PTPN14: variants seen among roughly 807,000 people sequenced by gnomAD.
PTPN14 encodes tyrosine-protein phosphatase non-receptor type 14.
A neutral mutation model predicts 126.8 loss-of-function variants in PTPN14; 53 were observed. The ratio of observed to expected loss-of-function variants is 0.42; its 90% CI spans 0.34 to 0.53. The LOEUF is 0.53. Ranked by LOEUF, PTPN14 falls within the 20% of genes least tolerant of loss-of-function variation. PTPN14 has a pLI of 0.08. For missense variants in PTPN14, 1,257 were observed against 1,552.9 expected (o/e 0.81, Z 3.20); for synonymous variants, 630 against 599.3 (o/e 1.05, Z -0.75).
intron 3 of PTPN14, among the ~76,000 whole-genome samples, chr1:214,417,979 G>A (rs944312881): frequency 1.3e-5 from 2 of 152,206 alleles, no homozygotes; most frequent in African/African-American, 4.8e-5. Context: ...GGATGGTGAA[G>A]ACAGGAGGAG....
intron 2 of PTPN14, among the ~76,000 whole-genome samples, chr1:214,457,536 A>G (rs1052783060): frequency 1.3e-5 from 2 of 152,180 alleles, no homozygotes; most frequent in African/African-American, 4.8e-5. Context: ...AAGTAGAGCC[A>G]AGGTTATTCT....
intron 3 of PTPN14, among the ~76,000 whole-genome samples, chr1:214,445,307 G>A (rs954701365): frequency 2.0e-5 from 3 of 152,158 alleles, no homozygotes; most frequent in African/African-American, 7.2e-5. Flanking sequence ...GTACGACAGT[G>A]TACTAAAATC....
intron 1 of PTPN14, among the ~76,000 whole-genome samples, chr1:214,497,446 A>G (rs114859402): frequency 0.01 from 1,546 of 152,346 alleles, 13 homozygotes; most frequent in Non-Finnish European, 0.016. Context: ...AAACATTTTT[A>G]AGCAGAAATT....
At chr1:214,441,937 T>C (rs947292523) in intron 3 of PTPN14, among the ~76,000 whole-genome samples, 2 of 152,204 alleles carry the variant, frequency 1.3e-5, no homozygotes, top group Non-Finnish European at 2.9e-5. Context: ...GTAACACTAA[T>C]AAAGAACAAT....
intron 1 of PTPN14, among the ~76,000 whole-genome samples, chr1:214,535,157 ATTT>A (rs535799777): frequency 5.9e-5 from 9 of 152,296 alleles, no homozygotes; most frequent in African/African-American, 2.2e-4. Context: ...ATTTATAATT[ATTT>A]TTGTCAATGA....
chr1:214,513,325 T>C (rs565633398), intron 1 of PTPN14, among the ~76,000 whole-genome samples: 1 of 152,340 alleles, frequency 6.6e-6, no homozygotes, highest in Non-Finnish European at 1.5e-5. Context: ...AAAACAGATT[T>C]AAGACCCCGC....
At chr1:214,462,331 T>C (rs531385914) in intron 2 of PTPN14, among the ~76,000 whole-genome samples, 2 of 152,298 alleles carry the variant, frequency 1.3e-5, no homozygotes, top group African/African-American at 4.8e-5. Context: ...ACCAATAGTC[T>C]GTTGAAAGCC....
At chr1:214,434,040 G>A (rs920017630) in intron 3 of PTPN14, among the ~76,000 whole-genome samples, 3 of 151,808 alleles carry the variant, frequency 2.0e-5, no homozygotes, top group African/African-American at 7.3e-5. Context: ...GCTGAGGTGG[G>A]AGGTTCACTT....
Position 214,351,290 on chromosome 1 carries a change from T to TA in PTPN14, c.*6631dup, listed in dbSNP as rs557321966. ...AGGAGTGAGACACGATCTCAAAAAC[T>TA]AAAAAAAAAAAAAAAAAGAAAAAGA... On this transcript the variant is annotated 3_prime_UTR_variant, in exon 19 of 19. Transcript: ENST00000366956. 1,444 of 61,692 alleles carry TA rather than the reference T, an allele frequency of 0.023. 19 individuals carry two copies. The highest frequency in any genetic ancestry group is 0.061 in the African/African-American group (1,086 of 17,702). 3.8% of individuals were successfully genotyped at this position (61,692 alleles called of 1,614,324 possible).
At chr1:214,438,509 G>C (rs906609731) in intron 3 of PTPN14, among the ~76,000 whole-genome samples, 6 of 152,192 alleles carry the variant, frequency 3.9e-5, no homozygotes, top group African/African-American at 1.4e-4. Flanking sequence ...CAAATTTGAA[G>C]TTATCTTCAA....
At chr1:214,539,499 T>C (rs2102481179) in intron 1 of PTPN14, among the ~76,000 whole-genome samples, 1 of 152,348 alleles carries the variant, frequency 6.6e-6, no homozygotes, top group East Asian at 1.9e-4. Context: ...TTTGCACTTC[T>C]GGCCTGATGT....
At position 214,403,170 on chromosome 1, in the gene PTPN14, C is replaced by T. The variant is rs6657749; in HGVS notation, c.511-217G>A. On this transcript the variant is annotated intron_variant, in intron 5 of 18. Coordinates refer to ENST00000366956, the MANE Select transcript of PTPN14 (RefSeq NM_005401.5). ...TCCATTATAACAGGTTATTTCCAGG[C>T]ATATTTTGGGTTGCCGCGTAAGTTC... Among the ~76,000 whole-genome samples, 29,218 of 152,106 alleles carry T rather than the reference C, an allele frequency of 0.19. 2,990 individuals are homozygous for T. Among genetic ancestry groups the T allele is most frequent in the Middle Eastern group, 0.27 (78 of 294 alleles).
chr1:214,522,257 T>TC (rs1377253996), intron 1 of PTPN14, among the ~76,000 whole-genome samples: 1 of 152,062 alleles, frequency 6.6e-6, no homozygotes, highest in African/African-American at 2.4e-5. Flanking sequence ...TATCATCTTT[T>TC]CCCCACAACT....
At chr1:214,497,120 T>TG (rs779121628) in intron 1 of PTPN14, among the ~76,000 whole-genome samples, 17 of 149,804 alleles carry the variant, frequency 1.1e-4, no homozygotes, top group Middle Eastern at 3.4e-3. Flanking sequence ...GGGGCAGCGG[T>TG]GGGGGGTCGG....
In PTPN14 at chr1:214,390,936, C is replaced by T. The variant is rs1249433741; in HGVS notation, c.987+52G>A. ...TCATCCCCCCACCTCAAATTAATAACAAAGAATGCTCAACAGTCAGATCAC... is the reference window on the plus strand; with the variant it reads ...TCATCCCCCCACCTCAAATTAATAATAAAGAATGCTCAACAGTCAGATCAC... On this transcript the variant is annotated intron_variant, in intron 11 of 18. Coordinates refer to ENST00000366956, the MANE Select transcript of PTPN14 (RefSeq NM_005401.5). The T allele has an allele frequency of 1.0e-5, 14 of 1,370,052 alleles. No homozygotes were observed. The Middle Eastern group carries it at 5.6e-4, about 55-fold the overall frequency. 84.9% of individuals were successfully genotyped at this position (1,370,052 alleles called of 1,614,324 possible). A position where few individuals can be genotyped will look rare whatever the true frequency, so the allele number is the denominator to read the frequency against.
Position 214,376,396 on chromosome 1 carries a change from G to A in PTPN14, c.2730C>T (p.Phe910=), listed in dbSNP as rs770903550. The A allele has an allele frequency of 3.8e-5, 61 of 1,613,892 alleles. No homozygotes were observed. The highest frequency in any genetic ancestry group is 4.9e-5 in the Non-Finnish European group (58 of 1,179,926). The change falls in exon 15 of 19, where the codon TTC becomes TTT. Residue 910 remains phenylalanine (F), a synonymous_variant. Coordinates refer to ENST00000366956, the MANE Select transcript of PTPN14 (RefSeq NM_005401.5). Reference sequence around the variant, plus strand: ...TCTTTGGAATTTGCTCATATTCTGTGAACACCATTCCCTCTTCTAGTTTCT... The same window carrying A: ...TCTTTGGAATTTGCTCATATTCTGTAAACACCATTCCCTCTTCTAGTTTCT... ...LKKKLEEGMV[F]TEYEQIPKKK... is the part of the protein sequence containing the mutation.
Position 214,364,770 on chromosome 1 carries a change from T to TGTGTGTGTGTGC in PTPN14, c.3272-96_3272-95insGCACACACACAC. ...AGCGGAAGAGAACTGATGGTGAGTG[T>TGTGTGTGTGTGC]GTGTGTGTGTGTGTGTGTGTGTGTG... On this transcript the variant is annotated intron_variant, in intron 17 of 18. Transcript: ENST00000366956. The surrounding 1 kb of genome is among the most constrained non-coding windows in gnomAD (Gnocchi z 4.1). 2.6e-6 allele frequency: 1 copy of TGTGTGTGTGTGC among 387,826 alleles called. No homozygotes were observed. Among genetic ancestry groups the TGTGTGTGTGTGC allele is most frequent in the East Asian group, 4.7e-5 (1 of 21,432 alleles). The allele number at this position is 387,826 out of a possible 1,614,324, so 24.0% of individuals were successfully genotyped here. A position where few individuals can be genotyped will look rare whatever the true frequency, so the allele number is the denominator to read the frequency against.
intron 3 of PTPN14, among the ~76,000 whole-genome samples, chr1:214,433,953 A>ACACACACAC (rs1558100354): frequency 1.7e-4 from 2 of 11,536 alleles, no homozygotes; most frequent in East Asian, 2.8e-3. Flanking sequence ...CACACACACA[A>ACACACACAC]AAAAAAAAAA....
chr1:214,364,592 C>T lies in PTPN14; in HGVS notation c.3355G>A (p.Val1119Ile). 2 of 1,614,080 alleles carry T rather than the reference C, an allele frequency of 1.2e-6. No homozygotes were observed. The highest frequency in any genetic ancestry group is 1.7e-6 in the Non-Finnish European group (2 of 1,180,040). Residue 1119 changes from valine (V) to isoleucine (I), a missense_variant, in exon 18 of 19, where the codon GTC becomes ATC. Transcript: ENST00000366956. This position sits in a 1 kb window ranked among gnomAD's most constrained non-coding sequence, Gnocchi z 4.1. ...CTTCCCACCCCAGCACTACAGTGGA[C>T]CACGATGGGCGGGTGCCGGTTCTTG... ...GTKNRHPPIV[V>I]HCSAGVGRTG... is the part of the protein sequence containing the mutation.
Sources: gnomAD v4.1 joint callset for allele counts (sites outside exome capture counted in the v4.1 genomes callset) on GRCh38, gnomAD v4.1.1 for gene constraint, Gnocchi (gnomAD v3.1) non-coding constraint, MANE v1.5 for transcripts, NCBI Gene and HGNC (gene_info 2026-07-23, HGNC 2026-07-21) for gene names.